NCBP1: variants seen among roughly 807,000 people sequenced by gnomAD.
The protein encoded by NCBP1 is nuclear cap binding protein subunit 1.
In NCBP1, 16 loss-of-function variants were observed where a neutral mutation model predicts 111.7. The observed-to-expected ratio is 0.14, with a 90% CI of 0.10 to 0.22. The LOEUF (loss-of-function observed/expected upper bound fraction) is 0.22. Among genes scored for constraint, NCBP1 ranks in the 10% least tolerant of loss-of-function variants. The pLI is 1.00. For missense variants in NCBP1, 607 were observed against 957.5 expected, an observed-to-expected ratio of 0.63 and a Z score of 4.83; for synonymous variants, 304 against 314.3, an observed-to-expected ratio of 0.97 and a Z score of 0.35.
chr9:97,664,568 G>A lies in NCBP1; in HGVS notation c.1901+125G>A, dbSNP rs545076959. On this transcript the variant is annotated intron_variant, in intron 19 of 22. Coordinates refer to ENST00000375147, the MANE Select transcript of NCBP1 (RefSeq NM_002486.5). ...ATTAATATACTAATGGTCCAATCTG[G>A]TAGGATTGGACATGGCAAAAATTCC... The A allele has an allele frequency of 4.8e-6, 3 of 619,796 alleles. No individual in the cohort carries two copies. In the Admixed American group the frequency reaches 8.7e-5, roughly 18 times the overall value. 38.4% of individuals were successfully genotyped at this position (619,796 alleles called of 1,614,324 possible).
chr9:97,647,677 A>G lies in NCBP1; in HGVS notation c.681+116A>G, dbSNP rs1827384638. On this transcript the variant is annotated intron_variant, in intron 7 of 22. Transcript: ENST00000375147. Reference sequence around the variant, plus strand: ...CCCTTTGACTGTGTTTCTACATTTCATGATAGTTCCTTCTCATAGCTCAAG... The same window carrying G: ...CCCTTTGACTGTGTTTCTACATTTCGTGATAGTTCCTTCTCATAGCTCAAG... 3.2e-5 allele frequency: 28 copies of G among 863,380 alleles called. No homozygotes were observed. The South Asian group carries it at 4.5e-4, about 14-fold the overall frequency. The allele number at this position is 863,380 out of a possible 1,614,324, so 53.5% of individuals were successfully genotyped here. A position where few individuals can be genotyped will look rare whatever the true frequency, so the allele number is the denominator to read the frequency against.
intron 18 of NCBP1, 31 bp from the exon 19 acceptor site, chr9:97,664,299 ATGTGTGTGTG>A (rs750035060): frequency 1.6e-6 from 2 of 1,233,250 alleles, no homozygotes; most frequent in East Asian, 4.7e-5. Flanking sequence ...ATGTGTGTGT[ATGTGTGTGTG>A]TGATTTACTT....
chr9:97,647,856 GTAAAA>G, intron 7 of NCBP1, 147 bp from the exon 8 acceptor site: 1 of 755,886 alleles, frequency 1.3e-6, no homozygotes, highest in Non-Finnish European at 2.1e-6. Flanking sequence ...GACTTTGTAA[GTAAAA>G]TAAAAACAAA....
At chr9:97,658,558 C>T in intron 14 of NCBP1, 82 bp from the exon 15 acceptor site, 1 of 1,050,396 alleles carries the variant, frequency 9.5e-7, no homozygotes, top group East Asian at 2.4e-5. Context: ...TGTTGGAGAT[C>T]ATGACTTTCC....
rs1827302150 is a variant in NCBP1 at position 97,645,236 on chromosome 9, C to T, written c.489+12C>T. The T allele has an allele frequency of 6.3e-7, 1 of 1,583,852 alleles. No individual in the cohort carries two copies. Among genetic ancestry groups the T allele is most frequent in the Non-Finnish European group, 8.7e-7 (1 of 1,152,956 alleles). ...AAGATGTACCTCAGGTAAGAGAACC[C>T]CTCATGCTGAATCTTGAGGGGTTCT... On this transcript the variant is annotated intron_variant, in intron 5 of 22. Transcript: ENST00000375147.
At chr9:97,658,778 G>A in intron 15 of NCBP1, 35 bp downstream of exon 15, 1 of 1,459,918 alleles carries the variant, frequency 6.8e-7, no homozygotes, top group Non-Finnish European at 9.6e-7. Context: ...GTCTTTAAAA[G>A]GTACCAGTTC....
intron 3 of NCBP1, among the ~76,000 whole-genome samples, chr9:97,642,988 T>G (rs1173017476): frequency 1.3e-5 from 2 of 152,192 alleles, no homozygotes; most frequent in Non-Finnish European, 2.9e-5. Flanking sequence ...ATTTACTTTC[T>G]TAACTCTTAG....
chr9:97,650,795 T>C (rs1827478128), intron 9 of NCBP1, among the ~76,000 whole-genome samples, 195 bp downstream of exon 9: 1 of 152,216 alleles, frequency 6.6e-6, no homozygotes, highest in African/African-American at 2.4e-5. Context: ...TTCGAGGTGC[T>C]TTATAGTAAT....
chr9:97,633,992 A>G, intron 1 of NCBP1, 77 bp downstream of exon 1: 3 of 1,436,274 alleles, frequency 2.1e-6, no homozygotes, highest in Non-Finnish European at 2.8e-6. Flanking sequence ...TGTCCACGGA[A>G]GAGACTGGAA....
intron 4 of NCBP1, 55 bp from the exon 5 acceptor site, chr9:97,645,062 G>C (rs1236458297): frequency 1.5e-6 from 2 of 1,307,140 alleles, no homozygotes; most frequent in African/African-American, 2.9e-5. Context: ...TGCTTATTTT[G>C]TAGTTATTAT....
rs765743935 is a variant in NCBP1, at chr9:97,640,871, G to C, written c.112G>C (p.Val38Leu). 1 of 1,604,752 alleles carries C rather than the reference G, an allele frequency of 6.2e-7. No homozygotes were observed. The highest frequency in any genetic ancestry group is 8.5e-7 in the Non-Finnish European group (1 of 1,174,160). Residue 38 changes from valine (V) to leucine (L), a missense_variant, in exon 2 of 23, where the codon GTA becomes CTA. Transcript: ENST00000375147. ...TCATTTGGAATCTTTAATATGTAAA[G>C]TAGGAGAAAAGGTATGTCACACAAT... is the stretch of plus-strand genomic sequence containing the variant. ...EDHLESLICKVGEKSACSLES... is the reference protein window; with the variant it reads ...EDHLESLICKLGEKSACSLES...
chr9:97,638,853 A>T (rs1827124589), intron 1 of NCBP1, among the ~76,000 whole-genome samples: 2 of 151,216 alleles, frequency 1.3e-5, no homozygotes, highest in Non-Finnish European at 3.0e-5. Context: ...CCAGATGACC[A>T]CTGGGGGCAA....
intron 10 of NCBP1, among the ~76,000 whole-genome samples, chr9:97,651,688 A>G (rs758756131): frequency 1.3e-5 from 2 of 152,238 alleles, no homozygotes; most frequent in Non-Finnish European, 2.9e-5. Flanking sequence ...TACATTGTCC[A>G]CTTAACAGAC....
chr9:97,661,115 C>T lies in NCBP1; in HGVS notation c.1600+47C>T, dbSNP rs1267367942. ...TTAAGTGGAACTATGTATAGGCCAA[C>T]TTAAAGCATAAACATAACTCTGGCA... On this transcript the variant is annotated intron_variant, in intron 16 of 22. Coordinates refer to ENST00000375147, the MANE Select transcript of NCBP1 (RefSeq NM_002486.5). 7 of 1,599,938 alleles carry T rather than the reference C, an allele frequency of 4.4e-6. No homozygotes were observed. The African/African-American group carries it at 6.7e-5, about 15-fold the overall frequency.
At chr9:97,649,399 A>G (rs1827437581) in intron 8 of NCBP1, among the ~76,000 whole-genome samples, 1 of 152,188 alleles carries the variant, frequency 6.6e-6, no homozygotes, top group Non-Finnish European at 1.5e-5. Context: ...CAGAGAGTGC[A>G]ATATGTCCCC....
intron 15 of NCBP1, among the ~76,000 whole-genome samples, chr9:97,659,307 C>A (rs893240117): frequency 2.0e-5 from 3 of 152,164 alleles, no homozygotes; most frequent in Non-Finnish European, 4.4e-5. Context: ...GTTTTTCCAA[C>A]TTGTTCTTTG....
chr9:97,672,577 T>C lies in NCBP1; in HGVS notation c.*1378T>C, dbSNP rs1828223869. 6.6e-6 allele frequency: 1 copy of C among 152,214 alleles called. No individual in the cohort carries two copies. The highest frequency in any genetic ancestry group is 1.5e-5 in the Non-Finnish European group (1 of 68,056). The allele number at this position is 152,214 out of a possible 1,614,324, so 9.4% of individuals were successfully genotyped here. A position where few individuals can be genotyped will look rare whatever the true frequency, so the allele number is the denominator to read the frequency against. ...TTATACTGTTTATCTTTCCCATTGC[T>C]TAAGCACAGCACAAACTATGTAATT... On this transcript the variant is annotated 3_prime_UTR_variant, in exon 23 of 23. Transcript: ENST00000375147.
chr9:97,640,004 A>G (rs573632006), intron 1 of NCBP1, among the ~76,000 whole-genome samples: 1 of 152,316 alleles, frequency 6.6e-6, no homozygotes, highest in East Asian at 1.9e-4. Context: ...TTCAGTTAAT[A>G]AAAGCTAGTT....
At chr9:97,634,476 A>G (rs1826935366) in intron 1 of NCBP1, 1 of 152,432 alleles carries the variant, frequency 6.6e-6, no homozygotes, top group South Asian at 2.1e-4. Flanking sequence ...GTTACTGCAG[A>G]TTTTGAACTG....
Sources: gnomAD v4.1 joint callset for allele counts (sites outside exome capture counted in the v4.1 genomes callset) on GRCh38, gnomAD v4.1.1 for gene constraint, MANE v1.5 for transcripts, NCBI Gene and HGNC (gene_info 2026-07-23, HGNC 2026-07-21) for gene names.